The following CEP112 variants were observed in gnomAD, a reference collection of about 807,000 sequenced individuals.
CEP112 encodes the protein centrosomal protein 112, also known as centrosomal protein of 112 kDa.
CEP112 carries 127 observed loss-of-function variants against 153.0 expected under a neutral mutation model. The observed-to-expected ratio is 0.83, with a 90% CI of 0.72 to 0.96. The LOEUF (loss-of-function observed/expected upper bound fraction) is 0.96, where lower values mean the gene tolerates loss of function less well. Among genes scored for constraint, CEP112 ranks in the 40% least tolerant of loss-of-function variants. The pLI is 0.00. For missense variants in CEP112, 1,089 were observed against 1,101.2 expected, an observed-to-expected ratio of 0.99 and a Z score of 0.16; for synonymous variants, 358 against 374.4, an observed-to-expected ratio of 0.96 and a Z score of 0.51.
chr17:66,142,554 C>A (rs1206529901), intron 4 of CEP112, among the ~76,000 whole-genome samples: 1 of 151,928 alleles, frequency 6.6e-6, no homozygotes, highest in African/African-American at 2.4e-5. Context: ...GCCAAATTTT[C>A]TTTTTATGCT....
At chr17:65,947,392 C>T (rs2061684991) in intron 18 of CEP112, among the ~76,000 whole-genome samples, 1 of 152,004 alleles carries the variant, frequency 6.6e-6, no homozygotes. Flanking sequence ...GAAAAAATCC[C>T]GTCTGTTGAA....
chr17:65,899,162 TAA>T (rs2059760993), intron 20 of CEP112, among the ~76,000 whole-genome samples: 1 of 152,148 alleles, frequency 6.6e-6, no homozygotes, highest in Non-Finnish European at 1.5e-5. Flanking sequence ...ATAATTTCAA[TAA>T]GAGAGACCTG....
intron 20 of CEP112, among the ~76,000 whole-genome samples, chr17:65,879,229 G>A (rs1310533848): frequency 6.6e-6 from 1 of 152,182 alleles, no homozygotes; most frequent in Non-Finnish European, 1.5e-5. Flanking sequence ...AGCGAGGCCA[G>A]GAATGACAGG....
At chr17:65,828,653 C>CT (rs1480123414) in intron 21 of CEP112, among the ~76,000 whole-genome samples, 1 of 151,696 alleles carries the variant, frequency 6.6e-6, no homozygotes, top group Non-Finnish European at 1.5e-5. Flanking sequence ...TAGGCTTACT[C>CT]TAACTAGTAT....
intron 23 of CEP112, among the ~76,000 whole-genome samples, chr17:65,729,984 A>G (rs1440059512): frequency 5.3e-5 from 8 of 152,220 alleles, no homozygotes; most frequent in Admixed American, 5.2e-4. Context: ...TCACCTAGTG[A>G]CTTCCAAAGA....
At chr17:66,155,764 G>A (rs2071412863) in intron 4 of CEP112, among the ~76,000 whole-genome samples, 1 of 152,126 alleles carries the variant, frequency 6.6e-6, no homozygotes. Flanking sequence ...CCCTCACAAT[G>A]GGCAAGTTCG....
intron 23 of CEP112, among the ~76,000 whole-genome samples, chr17:65,730,447 A>C (rs1173023058): frequency 6.6e-6 from 1 of 152,114 alleles, no homozygotes; most frequent in East Asian, 1.9e-4. Context: ...TTTCTTTCTG[A>C]GTGAGCAGGC....
intron 19 of CEP112, among the ~76,000 whole-genome samples, chr17:65,923,585 T>C (rs1435408238): frequency 6.6e-6 from 1 of 152,176 alleles, no homozygotes; most frequent in African/African-American, 2.4e-5. Context: ...CAAAATATTA[T>C]TCCATTTTAA....
intron 18 of CEP112, among the ~76,000 whole-genome samples, chr17:65,942,031 T>G (rs2061520806): frequency 6.6e-6 from 1 of 152,160 alleles, no homozygotes; most frequent in Admixed American, 6.5e-5. Context: ...CACGTATCCA[T>G]AGCTTTAACA....
At chr17:65,727,703 T>A (rs1198939690) in intron 23 of CEP112, among the ~76,000 whole-genome samples, 1 of 152,198 alleles carries the variant, frequency 6.6e-6, no homozygotes, top group African/African-American at 2.4e-5. Flanking sequence ...ATGTTGTAGA[T>A]GGTGACTCTG....
chr17:65,655,621 C>T (rs1310567733), intron 24 of CEP112, among the ~76,000 whole-genome samples: 1 of 152,040 alleles, frequency 6.6e-6, no homozygotes, highest in Admixed American at 6.5e-5. Flanking sequence ...TGATAATTTA[C>T]AGATTTAGCT....
At chr17:66,032,625 A>G (rs2065537366) in intron 12 of CEP112, among the ~76,000 whole-genome samples, 1 of 152,228 alleles carries the variant, frequency 6.6e-6, no homozygotes, top group Non-Finnish European at 1.5e-5. Context: ...CAGAAGTGAG[A>G]GAAGAGCCTC....
chr17:65,941,693 C>T (rs1268440139), intron 18 of CEP112: 1 of 151,630 alleles, frequency 6.6e-6, no homozygotes, highest in Non-Finnish European at 1.5e-5. Flanking sequence ...ACCTAGTGGC[C>T]AAAAAAGGTA....
chr17:66,030,277 C>T (rs1458142204), intron 12 of CEP112, among the ~76,000 whole-genome samples: 1 of 152,102 alleles, frequency 6.6e-6, no homozygotes, highest in Admixed American at 6.6e-5. Context: ...TTTACTGAGG[C>T]TGGTAATATT....
Position 66,058,412 on chromosome 17 carries a change from T to C in CEP112, c.1075-4533A>G, listed in dbSNP as rs145288204. Among the ~76,000 whole-genome samples, 170 of 151,970 alleles carry C rather than the reference T, an allele frequency of 1.1e-3. 1 individual carries two copies. The Middle Eastern group carries it at 0.017, about 15-fold the overall frequency. ...TGACTAGAAATAACAAAATAAAAAC[T>C]AGAAAAGAACCAACTAAAAAGCAAT... On this transcript the variant is annotated intron_variant, in intron 11 of 26. Transcript: ENST00000535342.
chr17:66,139,009 A>G (rs1477058480), intron 4 of CEP112, among the ~76,000 whole-genome samples: 3 of 152,038 alleles, frequency 2.0e-5, no homozygotes, highest in African/African-American at 7.2e-5. Context: ...TTACAACTGT[A>G]AAAGCTTATA....
At chr17:65,797,894 C>T (rs1372097818) in intron 21 of CEP112, among the ~76,000 whole-genome samples, 1 of 152,076 alleles carries the variant, frequency 6.6e-6, no homozygotes, top group Non-Finnish European at 1.5e-5. Flanking sequence ...TGGAGGGACC[C>T]TTCATGTAGA....
Position 66,055,679 on chromosome 17 carries a change from G to A in CEP112, c.1075-1800C>T, listed in dbSNP as rs192858633. Among the ~76,000 whole-genome samples the A allele has an allele frequency of 2.0e-5, 3 of 152,268 alleles. No individual in the cohort carries two copies. The East Asian group carries it at 5.8e-4, about 29-fold the overall frequency. ...CCATCAAAACTTAGTGGTTTCTCATGTGTCTTCCACAGTTGTTTTATAAAG... is the reference window on the plus strand; with the variant it reads ...CCATCAAAACTTAGTGGTTTCTCATATGTCTTCCACAGTTGTTTTATAAAG... On this transcript the variant is annotated intron_variant, in intron 11 of 26. Transcript: ENST00000535342.
At chr17:65,962,897 A>C (rs1348503472) in intron 17 of CEP112, among the ~76,000 whole-genome samples, 1 of 152,224 alleles carries the variant, frequency 6.6e-6, no homozygotes, top group East Asian at 1.9e-4. Flanking sequence ...ACCTCTTTTG[A>C]AAATTGCCAA....
Sources: gnomAD v4.1 joint callset for allele counts (sites outside exome capture counted in the v4.1 genomes callset) on GRCh38, gnomAD v4.1.1 for gene constraint, MANE v1.5 for transcripts, NCBI Gene and HGNC (gene_info 2026-07-23, HGNC 2026-07-21) for gene names.